DDX39A: variants seen among roughly 807,000 people sequenced by gnomAD.
DDX39A encodes ATP-dependent RNA helicase DDX39A.
A neutral mutation model predicts 46.3 loss-of-function variants in DDX39A; 13 were observed. The ratio of observed to expected loss-of-function variants is 0.28; its 90% CI spans 0.18 to 0.45. The LOEUF (loss-of-function observed/expected upper bound fraction) is 0.45, where lower values mean the gene tolerates loss of function less well. Ranked by LOEUF, DDX39A falls within the 20% of genes least tolerant of loss-of-function variation. The pLI is 1.00. For synonymous variants in DDX39A, 234 were observed against 224.6 expected (o/e 1.04, Z -0.38); for missense variants, 352 against 581.8 (o/e 0.61, Z 4.06).
Position 14,408,910 on chromosome 19 carries a change from G to T in DDX39A, c.*26C>A, listed in dbSNP as rs761600377. On this transcript the variant is annotated 3_prime_UTR_variant, in exon 11 of 11. Coordinates refer to ENST00000242776, the MANE Select transcript of DDX39A (RefSeq NM_005804.4). ...GGTGAAGCTGCATGCGGGCGGCTCC[G>T]GGTGGGCGGCTCTGGCACGTGGTGG... 1 of 1,567,182 alleles carries T rather than the reference G, an allele frequency of 6.4e-7. No individual in the cohort carries two copies. The highest frequency in any genetic ancestry group is 8.7e-7 in the Non-Finnish European group (1 of 1,154,306).
chr19:14,416,047 C>CAGAGCA lies in DDX39A; in HGVS notation c.-4-2829_-4-2824dup, dbSNP rs540384679. On this transcript the variant is annotated intron_variant, in intron 1 of 10. Coordinates refer to ENST00000242776, the MANE Select transcript of DDX39A (RefSeq NM_005804.4). ...CACCATGGCCCTCCAGCCTGGGCGA[C>CAGAGCA]AGAGCAAGACCAAGACTCTGTCTCA... 2.2e-3 allele frequency: 330 copies of CAGAGCA among 152,122 alleles called. 2 individuals are homozygous for CAGAGCA. Among genetic ancestry groups the CAGAGCA allele is most frequent in the African/African-American group, 7.7e-3 (319 of 41,290 alleles). 9.4% of individuals were successfully genotyped at this position (152,122 alleles called of 1,614,324 possible).
chr19:14,411,735 C>T lies in DDX39A; in HGVS notation c.337-137G>A. 1.4e-6 allele frequency: 1 copy of T among 711,886 alleles called. No individual in the cohort carries two copies. Among genetic ancestry groups the T allele is most frequent in the Non-Finnish European group, 2.4e-6 (1 of 410,262 alleles). 44.1% of individuals were successfully genotyped at this position (711,886 alleles called of 1,614,324 possible). A position where few individuals can be genotyped will look rare whatever the true frequency, so the allele number is the denominator to read the frequency against. ...ATTTGAAGGCCCGGTCCAAATGCCT[C>T]CCACTTCTCACGGCCCTTCCCCACC... On this transcript the variant is annotated intron_variant, in intron 3 of 10. Transcript: ENST00000242776. This position sits in a 1 kb window ranked among gnomAD's most constrained non-coding sequence, Gnocchi z 4.1.
Position 14,410,216 on chromosome 19 carries a change from A to G in DDX39A, c.732T>C (p.Asp244=), listed in dbSNP as rs763179608. Residue 244 remains aspartate (D), a splice_region_variant and synonymous_variant, in exon 6 of 11, where the codon GAT becomes GAC. Coordinates refer to ENST00000242776, the MANE Select transcript of DDX39A (RefSeq NM_005804.4). This position sits in a 1 kb window ranked among gnomAD's most constrained non-coding sequence, Gnocchi z 4.3. ...IRPVCRKFMQ[D]PMEVFVDDET... The stretch of plus-strand genomic sequence containing the variant: ...AAGCTGCCACTCTCGCCCTACTCAC[A>G]TCCTGCATGAACTTCCTGCACACAG... 5 of 1,613,724 alleles carry G rather than the reference A, an allele frequency of 3.1e-6. No homozygotes were observed. In the South Asian group the frequency reaches 5.5e-5, roughly 18 times the overall value.
Position 14,411,333 on chromosome 19 carries a change from G to A in DDX39A, c.430-161C>T. On this transcript the variant is annotated intron_variant, in intron 4 of 10. Coordinates refer to ENST00000242776, the MANE Select transcript of DDX39A (RefSeq NM_005804.4). The surrounding 1 kb of genome is among the most constrained non-coding windows in gnomAD (Gnocchi z 4.1). ...GCAGCCCCAGGCTGGGACCTGCGCA[G>A]GCCCCTGGGAGCCATGCATAATTCA... The A allele has an allele frequency of 9.8e-7, 1 of 1,021,038 alleles. No individual in the cohort carries two copies. Among genetic ancestry groups the A allele is most frequent in the African/African-American group, 1.6e-5 (1 of 62,090 alleles). 63.2% of individuals were successfully genotyped at this position (1,021,038 alleles called of 1,614,324 possible). A position where few individuals can be genotyped will look rare whatever the true frequency, so the allele number is the denominator to read the frequency against.
In DDX39A at chr19:14,408,854, A is replaced by G. The variant is rs1976409189; in HGVS notation, c.*82T>C. The G allele has an allele frequency of 2.0e-6, 3 of 1,508,938 alleles. No individual in the cohort carries two copies. Among genetic ancestry groups the G allele is most frequent in the Non-Finnish European group, 2.7e-6 (3 of 1,125,722 alleles). 93.5% of individuals were successfully genotyped at this position (1,508,938 alleles called of 1,614,324 possible). On this transcript the variant is annotated 3_prime_UTR_variant, in exon 11 of 11. Coordinates refer to ENST00000242776, the MANE Select transcript of DDX39A (RefSeq NM_005804.4). ...ACAAGTTTATTCTCATACAATCTCTAGCTTCTCAACAGTGGCGCCTGGAAA... is the reference window on the plus strand; with the variant it reads ...ACAAGTTTATTCTCATACAATCTCTGGCTTCTCAACAGTGGCGCCTGGAAA...
chr19:14,409,163 C>A lies in DDX39A; in HGVS notation c.1141G>T (p.Gly381Cys). Residue 381 changes from glycine to cysteine, a missense_variant, in exon 10 of 11, where the codon GGC (glycine) becomes TGC (cysteine). Around this residue, in one of 3 missense-constraint regions of DDX39A, gnomAD observed 301 missense variants for 469.9 expected, o/e 0.64. Transcript: ENST00000242776. This position sits in a 1 kb window ranked among gnomAD's most constrained non-coding sequence, Gnocchi z 8.3. ...LHRVARAGRFGTKGLAITFVS... is the reference protein window; with the variant it reads ...LHRVARAGRFCTKGLAITFVS... ...AAAGTGATGGCTAGGCCTTTGGTGC[C>A]AAAGCGACCCGCCCGGGCCACCTGC... The A allele has an allele frequency of 1.2e-6, 2 of 1,614,166 alleles. No homozygotes were observed. Among genetic ancestry groups the A allele is most frequent in the Non-Finnish European group, 1.7e-6 (2 of 1,180,034 alleles).
rs1323810549 is a variant in DDX39A, at chr19:14,409,265, C to T, written c.1119+38G>A. On this transcript the variant is annotated intron_variant, in intron 9 of 10. Coordinates refer to ENST00000242776, the MANE Select transcript of DDX39A (RefSeq NM_005804.4). This position sits in a 1 kb window ranked among gnomAD's most constrained non-coding sequence, Gnocchi z 8.3. ...AAAGCAGGGCTGGGGCCCCACCCCA[C>T]CGCCAGGGGAAAGCAACATGCCCGT... 1 of 1,613,204 alleles carries T rather than the reference C, an allele frequency of 6.2e-7. No individual in the cohort carries two copies. The highest frequency in any genetic ancestry group is 1.7e-4 in the Middle Eastern group (1 of 6,058).
Position 14,410,074 on chromosome 19 carries a change from C to T in DDX39A, c.732+142G>A, listed in dbSNP as rs1976507981. The T allele has an allele frequency of 9.7e-7, 1 of 1,034,584 alleles. No individual in the cohort carries two copies. The highest frequency in any genetic ancestry group is 1.5e-6 in the Non-Finnish European group (1 of 671,666). The allele number at this position is 1,034,584 out of a possible 1,614,324, so 64.1% of individuals were successfully genotyped here. On this transcript the variant is annotated intron_variant, in intron 6 of 10. Transcript: ENST00000242776. The surrounding 1 kb of genome is among the most constrained non-coding windows in gnomAD (Gnocchi z 4.3). ...GGACCAAGCTTGACTCCCAGTTTGA[C>T]AAGACCGAGGGGAGGAAAGGAGGCT... is the stretch of plus-strand genomic sequence containing the variant.
intron 1 of DDX39A, chr19:14,416,114 A>G (rs902528918): frequency 6.6e-6 from 1 of 152,446 alleles, no homozygotes; most frequent in African/African-American, 2.4e-5. Context: ...ATTCTGCTCA[A>G]AACTTTTAAT....
Position 14,411,122 on chromosome 19 carries a change from C to T in DDX39A, c.480G>A (p.Leu160=), listed in dbSNP as rs1046052417. The T allele has an allele frequency of 1.2e-6, 2 of 1,608,220 alleles. No homozygotes were observed. Among genetic ancestry groups the T allele is most frequent in the Admixed American group, 3.4e-5 (2 of 58,196 alleles). ...CCACGACATGGGGACAGTTCTTCTT[C>T]AACACTTCTTCATCCTTCTTGATGG... is the stretch of plus-strand genomic sequence containing the variant. ...GLSIKKDEEV[L]KKNCPHVVVG... The change falls in exon 5 of 11, where the codon TTG becomes TTA. Residue 160 remains leucine, a synonymous_variant. Coordinates refer to ENST00000242776, the MANE Select transcript of DDX39A (RefSeq NM_005804.4). The surrounding 1 kb of genome is among the most constrained non-coding windows in gnomAD (Gnocchi z 4.1).
At chr19:14,417,600 G>A (rs916329718) in intron 1 of DDX39A, among the ~76,000 whole-genome samples, 8 of 152,094 alleles carry the variant, frequency 5.3e-5, no homozygotes, top group Non-Finnish European at 1.5e-5. Context: ...AAACCTGCAC[G>A]TTGTGCACAT....
Position 14,411,209 on chromosome 19 carries a change from C to G in DDX39A, c.430-37G>C. The G allele has an allele frequency of 6.5e-7, 1 of 1,538,186 alleles. No individual in the cohort carries two copies. The highest frequency in any genetic ancestry group is 1.2e-5 in the South Asian group (1 of 80,672). ...AGGAGGAAACCGCTCCATGCTGATA[C>G]ACGGCCCAAGGCCCCAACCTGCACG... On this transcript the variant is annotated intron_variant, in intron 4 of 10. Coordinates refer to ENST00000242776, the MANE Select transcript of DDX39A (RefSeq NM_005804.4). This position sits in a 1 kb window ranked among gnomAD's most constrained non-coding sequence, Gnocchi z 4.1.
At position 14,413,073 on chromosome 19, in the gene DDX39A, G is replaced by T; in HGVS notation, c.148C>A (p.Leu50Met). The change falls in exon 2 of 11, where the codon CTG becomes ATG. Residue 50 changes from leucine to methionine, a missense_variant. Physicochemically the swap from Leu to Met is conservative, Grantham distance 15. This residue lies in a region of DDX39A where 46 missense variants were observed against 78.2 expected (regional missense o/e 0.59). Transcript: ENST00000242776. ...GCCCGCAGGAGCTCCGGCTTCAGCA[G>T]AAAGTCCCGGAAGCCAGAGCTGTGG... ...SIHSSGFRDF[L>M]LKPELLRAIV... 1 of 1,614,212 alleles carries T rather than the reference G, an allele frequency of 6.2e-7. No homozygotes were observed. The highest frequency in any genetic ancestry group is 8.5e-7 in the Non-Finnish European group (1 of 1,180,036).
chr19:14,414,936 TAAAAAAAAAAA>T (rs1006829482), intron 1 of DDX39A, among the ~76,000 whole-genome samples: 4 of 72,808 alleles, frequency 5.5e-5, no homozygotes, highest in African/African-American at 8.6e-5. Context: ...CACTCCAGCC[TAAAAAAAAAAA>T]AAAAAAAAAA....
Position 14,409,705 on chromosome 19 carries a change from G to A in DDX39A, c.864+37C>T, listed in dbSNP as rs756595849. The A allele has an allele frequency of 1.2e-6, 2 of 1,612,404 alleles. No individual in the cohort carries two copies. Among genetic ancestry groups the A allele is most frequent in the Non-Finnish European group, 1.7e-6 (2 of 1,178,744 alleles). On this transcript the variant is annotated intron_variant, in intron 7 of 10. Transcript: ENST00000242776. The surrounding 1 kb of genome is among the most constrained non-coding windows in gnomAD (Gnocchi z 8.3). ...CCCTGTGGCCCAGTGACCTCCCGAAGGTCCTGAGCCCCAGGACAGGCTGAT... is the reference window on the plus strand; with the variant it reads ...CCCTGTGGCCCAGTGACCTCCCGAAAGTCCTGAGCCCCAGGACAGGCTGAT...
chr19:14,416,771 C>T (rs190103827), intron 1 of DDX39A, among the ~76,000 whole-genome samples: 11 of 152,286 alleles, frequency 7.2e-5, no homozygotes, highest in African/African-American at 2.6e-4. Context: ...ACTGGAGCCT[C>T]GACCTCCCAG....
Position 14,408,824 on chromosome 19 carries a change from T to A in DDX39A, c.*112A>T. The A allele has an allele frequency of 6.9e-7, 1 of 1,447,760 alleles. No individual in the cohort carries two copies. The highest frequency in any genetic ancestry group is 9.2e-7 in the Non-Finnish European group (1 of 1,087,632). 89.7% of individuals were successfully genotyped at this position (1,447,760 alleles called of 1,614,324 possible). ...AGATGGGGTGGGAGCCAGGCTTCCA[T>A]AATAACAAGTTTATTCTCATACAAT... On this transcript the variant is annotated 3_prime_UTR_variant, in exon 11 of 11. Coordinates refer to ENST00000242776, the MANE Select transcript of DDX39A (RefSeq NM_005804.4).
chr19:14,411,330 G>T lies in DDX39A; in HGVS notation c.430-158C>A, dbSNP rs1204022739. 1 of 1,027,776 alleles carries T rather than the reference G, an allele frequency of 9.7e-7. No individual in the cohort carries two copies. The allele number at this position is 1,027,776 out of a possible 1,614,324, so 63.7% of individuals were successfully genotyped here. The stretch of plus-strand genomic sequence containing the variant: ...AAGGCAGCCCCAGGCTGGGACCTGC[G>T]CAGGCCCCTGGGAGCCATGCATAAT... On this transcript the variant is annotated intron_variant, in intron 4 of 10. Coordinates refer to ENST00000242776, the MANE Select transcript of DDX39A (RefSeq NM_005804.4). This position sits in a 1 kb window ranked among gnomAD's most constrained non-coding sequence, Gnocchi z 4.1.
intron 1 of DDX39A, 41 bp downstream of exon 1, chr19:14,419,229 G>A (rs1250700163): frequency 7.2e-6 from 2 of 279,498 alleles, no homozygotes; most frequent in Non-Finnish European, 1.4e-5. Flanking sequence ...CAGTTCAGAC[G>A]TCCCCACACC....
Sources: gnomAD v4.1 joint callset for allele counts (sites outside exome capture counted in the v4.1 genomes callset) on GRCh38, gnomAD v4.1.1 for gene constraint, gnomAD v4.1.1 regional missense constraint, Gnocchi (gnomAD v3.1) non-coding constraint, MANE v1.5 for transcripts, NCBI Gene and HGNC (gene_info 2026-07-23, HGNC 2026-07-21) for gene names.